PCDHGB4: variants seen among roughly 807,000 people sequenced by gnomAD.
PCDHGB4 encodes the protein protocadherin gamma-B4.
PCDHGB4 carries 38 observed loss-of-function variants against 60.5 expected under a neutral mutation model. That is an observed-to-expected ratio of 0.63 (90% CI 0.48 to 0.82). The LOEUF is 0.82. Ranked by LOEUF, PCDHGB4 falls within the 40% of genes least tolerant of loss-of-function variation. The pLI is 0.00. For synonymous variants in PCDHGB4, 456 were observed against 509.7 expected (o/e 0.89, Z 1.42); for missense variants, 1,109 against 1,209.6 (o/e 0.92, Z 1.23).
rs1467125550 is a variant in PCDHGB4 at position 141,511,799 on chromosome 5, T to G, written c.*626T>G. 6.4e-6 allele frequency: 1 copy of G among 157,228 alleles called. No homozygotes were observed. The highest frequency in any genetic ancestry group is 1.4e-5 in the Non-Finnish European group (1 of 70,874). 9.7% of individuals were successfully genotyped at this position (157,228 alleles called of 1,614,324 possible). ...TGCTTGCTGGATTTAGGGAGGGCAT[T>G]TTGCTACCAAGCCTCTTCCCAACGC... On this transcript the variant is annotated 3_prime_UTR_variant, in exon 4 of 4. Coordinates refer to ENST00000519479, the MANE Select transcript of PCDHGB4 (RefSeq NM_003736.4).
Position 141,432,211 on chromosome 5 carries a change from C to T in PCDHGB4, c.2397+41930C>T. 6.2e-7 allele frequency: 1 copy of T among 1,614,232 alleles called. No homozygotes were observed. The highest frequency in any genetic ancestry group is 8.5e-7 in the Non-Finnish European group (1 of 1,180,044). On this transcript the variant is annotated intron_variant, in intron 1 of 3. Coordinates refer to ENST00000519479, the MANE Select transcript of PCDHGB4 (RefSeq NM_003736.4). The surrounding 1 kb of genome is among the most constrained non-coding windows in gnomAD (Gnocchi z 6.0). ...CCCACGACCCCGACTGTGAAGAGAA[C>T]GCCCAGATCACTTATTCCCTGGCTG... is the stretch of plus-strand genomic sequence containing the variant.
chr5:141,407,159 A>G (rs1349203478), intron 1 of PCDHGB4, among the ~76,000 whole-genome samples: 1 of 152,232 alleles, frequency 6.6e-6, no homozygotes, highest in Non-Finnish European at 1.5e-5. Context: ...AGTGTCTGGG[A>G]ATCCTTTATG....
chr5:141,415,040 C>A (rs772941952), intron 1 of PCDHGB4: 3 of 1,613,520 alleles, frequency 1.9e-6, no homozygotes, highest in Non-Finnish European at 2.5e-6. Flanking sequence ...GGACTCTTCG[C>A]GGTGGGGGAG....
chr5:141,485,734 C>T lies in PCDHGB4; in HGVS notation c.2398-9073C>T. ...CACTGGATGTGAAGAAGCGCAGCGACGGCAGCCTGGTCCCAGAGCTGCTCC... is the reference window on the plus strand; with the variant it reads ...CACTGGATGTGAAGAAGCGCAGCGATGGCAGCCTGGTCCCAGAGCTGCTCC... On this transcript the variant is annotated intron_variant, in intron 1 of 3. Transcript: ENST00000519479. This position sits in a 1 kb window ranked among gnomAD's most constrained non-coding sequence, Gnocchi z 5.7. The T allele has an allele frequency of 6.2e-7, 1 of 1,614,210 alleles. No individual in the cohort carries two copies. The highest frequency in any genetic ancestry group is 8.5e-7 in the Non-Finnish European group (1 of 1,180,028).
chr5:141,433,358 C>T (rs974347696), intron 1 of PCDHGB4: 20 of 503,934 alleles, frequency 4.0e-5, no homozygotes, highest in African/African-American at 3.1e-4. Flanking sequence ...CTACTGTCTG[C>T]CTATCTATCT....
chr5:141,452,830 T>A (rs2098749929), intron 1 of PCDHGB4, among the ~76,000 whole-genome samples: 1 of 152,166 alleles, frequency 6.6e-6, no homozygotes, highest in South Asian at 2.1e-4. Context: ...CAAAATCACT[T>A]GGTCCAGCCC....
At chr5:141,447,214 A>G (rs2098530358) in intron 1 of PCDHGB4, among the ~76,000 whole-genome samples, 1 of 152,092 alleles carries the variant, frequency 6.6e-6, no homozygotes, top group Admixed American at 6.6e-5. Context: ...ATCTCGGCTC[A>G]CTGCAACCTC....
At chr5:141,426,933 G>A (rs1294433096) in intron 1 of PCDHGB4, 1 of 456,660 alleles carries the variant, frequency 2.2e-6, no homozygotes, top group Non-Finnish European at 4.4e-6. Context: ...GGACATGGGT[G>A]ACCCAGTCCC....
At chr5:141,497,568 C>G (rs1012946741) in intron 2 of PCDHGB4, among the ~76,000 whole-genome samples, 2 of 140,602 alleles carry the variant, frequency 1.4e-5, no homozygotes, top group African/African-American at 5.4e-5. Flanking sequence ...TAGACAGAGT[C>G]TTGCTCTGTT....
At chr5:141,441,638 G>A (rs1456506194) in intron 1 of PCDHGB4, 2 of 226,008 alleles carry the variant, frequency 8.8e-6, no homozygotes, top group Non-Finnish European at 1.8e-5. Flanking sequence ...AGCCACAGGC[G>A]CTGTGATTCT....
chr5:141,405,433 T>A, intron 1 of PCDHGB4: 1 of 1,471,752 alleles, frequency 6.8e-7, no homozygotes, highest in Non-Finnish European at 9.3e-7. Flanking sequence ...TTTTGTTTTG[T>A]TTTTGAGACA....
intron 1 of PCDHGB4, chr5:141,419,373 T>C: frequency 1.9e-6 from 3 of 1,613,754 alleles, no homozygotes; most frequent in Non-Finnish European, 2.5e-6. Context: ...TCGTCCTACG[T>C]GTCCGTGAGC....
intron 1 of PCDHGB4, chr5:141,414,590 G>A: frequency 6.2e-7 from 1 of 1,613,936 alleles, no homozygotes; most frequent in Non-Finnish European, 8.5e-7. Flanking sequence ...AACGCCAGGG[G>A]TGCCTCCATC....
chr5:141,434,920 A>C (rs927245955), intron 1 of PCDHGB4, among the ~76,000 whole-genome samples: 1 of 151,796 alleles, frequency 6.6e-6, no homozygotes. Flanking sequence ...ATTTATGTAC[A>C]TATATTTTAT....
chr5:141,498,930 C>T (rs2099786911), intron 2 of PCDHGB4, among the ~76,000 whole-genome samples: 1 of 121,364 alleles, frequency 8.2e-6, no homozygotes, highest in Non-Finnish European at 1.6e-5. Flanking sequence ...GAGACTCCAT[C>T]AGGAAAGAAA....
intron 1 of PCDHGB4, chr5:141,414,866 C>T: frequency 6.2e-7 from 1 of 1,614,230 alleles, no homozygotes; most frequent in Non-Finnish European, 8.5e-7. Flanking sequence ...GACAATGCGC[C>T]CGAGATCCTG....
At chr5:141,481,999 C>T (rs958678555) in intron 1 of PCDHGB4, among the ~76,000 whole-genome samples, 7 of 149,942 alleles carry the variant, frequency 4.7e-5, no homozygotes, top group Admixed American at 2.0e-4. Flanking sequence ...GCAGGAGAAT[C>T]GCTTTATCTC....
chr5:141,408,839 A>T (rs1296339131), intron 1 of PCDHGB4: 24 of 1,613,642 alleles, frequency 1.5e-5, no homozygotes, highest in Non-Finnish European at 2.0e-5. Context: ...CTTGATATTG[A>T]CTGCCTTGGA....
At position 141,490,132 on chromosome 5, in the gene PCDHGB4, A is replaced by C. The variant is rs1245562757; in HGVS notation, c.2398-4675A>C. On this transcript the variant is annotated intron_variant, in intron 1 of 3. Coordinates refer to ENST00000519479, the MANE Select transcript of PCDHGB4 (RefSeq NM_003736.4). This position sits in a 1 kb window ranked among gnomAD's most constrained non-coding sequence, Gnocchi z 5.4. ...GCGGAACCTCTTTGGCCTAGACCCT[A>C]GCAGTGGGGCAATCCATGTGTTGGG... 6.2e-7 allele frequency: 1 copy of C among 1,614,220 alleles called. No individual in the cohort carries two copies. Among genetic ancestry groups the C allele is most frequent in the South Asian group, 1.1e-5 (1 of 91,088 alleles).
Sources: gnomAD v4.1 joint callset for allele counts (sites outside exome capture counted in the v4.1 genomes callset) on GRCh38, gnomAD v4.1.1 for gene constraint, Gnocchi (gnomAD v3.1) non-coding constraint, MANE v1.5 for transcripts, NCBI Gene and HGNC (gene_info 2026-07-23, HGNC 2026-07-21) for gene names.